The following SLC35F4 variants were observed in gnomAD, a reference collection of about 807,000 sequenced individuals.
SLC35F4 encodes the protein solute carrier family 35 member F4.
SLC35F4 carries 24 observed loss-of-function variants against 44.2 expected under a neutral mutation model. The observed-to-expected ratio is 0.54, with a 90% CI of 0.39 to 0.76. The LOEUF (loss-of-function observed/expected upper bound fraction) is 0.76, where lower values mean the gene tolerates loss of function less well. Among genes scored for constraint, SLC35F4 ranks in the 30% least tolerant of loss-of-function variants. SLC35F4 has a pLI of 0.00. For missense variants in SLC35F4, 562 were observed against 586.1 expected (o/e 0.96, Z 0.42); for synonymous variants, 238 against 223.6 (o/e 1.06, Z -0.57).
chr14:57,860,113 T>C (rs1165043147), intron 1 of SLC35F4, among the ~76,000 whole-genome samples: 2 of 152,146 alleles, frequency 1.3e-5, no homozygotes, highest in East Asian at 1.9e-4. Flanking sequence ...AGCTAGAACT[T>C]TGGGGAATGC....
intron 1 of SLC35F4, among the ~76,000 whole-genome samples, chr14:57,807,374 C>CACAGAGCCA (rs1881450548): frequency 6.6e-6 from 1 of 151,902 alleles, no homozygotes. Flanking sequence ...GTTAGCAACC[C>CACAGAGCCA]ACAGAGCCAA....
intron 1 of SLC35F4, among the ~76,000 whole-genome samples, chr14:57,965,843 C>T (rs1377467764): frequency 6.6e-6 from 1 of 152,154 alleles, no homozygotes; most frequent in Non-Finnish European, 1.5e-5. Context: ...TGTTTAACCA[C>T]GAAGGCTTTT....
rs77998565 is a variant in SLC35F4, at chr14:57,749,513, C to T, written c.103+116210G>A. Among the ~76,000 whole-genome samples the T allele has an allele frequency of 5.6e-3, 845 of 151,316 alleles. 9 individuals are homozygous for T. Among genetic ancestry groups the T allele is most frequent in the African/African-American group, 0.019 (796 of 41,352 alleles). ...AGCAGTACCATGCATGGGTCTGTGA[C>T]GGGTTTAAAAAAAAAACAAATGGGT... On this transcript the variant is annotated intron_variant, in intron 1 of 7. Coordinates refer to ENST00000556826, the MANE Select transcript of SLC35F4 (RefSeq NM_001306087.2).
intron 1 of SLC35F4, among the ~76,000 whole-genome samples, chr14:57,969,768 T>A (rs1439461464): frequency 2.0e-5 from 3 of 152,212 alleles, no homozygotes; most frequent in Non-Finnish European, 1.5e-5. Flanking sequence ...TACAATAAAC[T>A]TCATGTGACA....
At chr14:57,635,513 T>G (rs1397139943) in intron 1 of SLC35F4, among the ~76,000 whole-genome samples, 1 of 151,956 alleles carries the variant, frequency 6.6e-6, no homozygotes, top group Non-Finnish European at 1.5e-5. Context: ...ATGGGAATAG[T>G]CAGCTGAGAG....
chr14:57,671,883 G>A (rs2074534788), intron 1 of SLC35F4, among the ~76,000 whole-genome samples: 1 of 151,996 alleles, frequency 6.6e-6, no homozygotes, highest in South Asian at 2.1e-4. Context: ...CATGAAATCA[G>A]GCTAAGTGTG....
intron 1 of SLC35F4, among the ~76,000 whole-genome samples, chr14:57,905,126 G>A (rs543747044): frequency 2.4e-4 from 37 of 152,310 alleles, no homozygotes; most frequent in Middle Eastern, 6.8e-3. Flanking sequence ...TCCACTGGAA[G>A]TTTACCAATC....
At chr14:57,906,903 T>C (rs1889112617) in intron 1 of SLC35F4, among the ~76,000 whole-genome samples, 1 of 152,218 alleles carries the variant, frequency 6.6e-6, no homozygotes, top group South Asian at 2.1e-4. Flanking sequence ...CATTAAATGC[T>C]TCCCGGATAC....
At chr14:57,581,100 A>T (rs2139810231) in intron 4 of SLC35F4, 114 bp downstream of exon 4, 1 of 1,143,644 alleles carries the variant, frequency 8.7e-7, no homozygotes, top group East Asian at 2.7e-5. Flanking sequence ...TTGTACTCAG[A>T]ACAAGTGAGA....
intron 1 of SLC35F4, among the ~76,000 whole-genome samples, chr14:57,790,135 T>A (rs2140798094): frequency 6.6e-6 from 1 of 152,286 alleles, no homozygotes; most frequent in Non-Finnish European, 1.5e-5. Flanking sequence ...TTATTGGAAG[T>A]TCTGGCCAGG....
chr14:57,717,661 A>G (rs2075978758), intron 1 of SLC35F4, among the ~76,000 whole-genome samples: 1 of 152,182 alleles, frequency 6.6e-6, no homozygotes. Flanking sequence ...CCTTCACATC[A>G]TTGACAGAAT....
chr14:57,573,595 A>G (rs572414015), intron 4 of SLC35F4, among the ~76,000 whole-genome samples: 1 of 152,164 alleles, frequency 6.6e-6, no homozygotes, highest in East Asian at 1.9e-4. Context: ...AAAGGTCTAG[A>G]CTCATCAATA....
At chr14:57,711,181 G>A (rs763589921) in intron 1 of SLC35F4, among the ~76,000 whole-genome samples, 16 of 152,126 alleles carry the variant, frequency 1.1e-4, no homozygotes, top group Non-Finnish European at 1.5e-4. Flanking sequence ...CTCATGAGAT[G>A]TGATGGTTTT....
At chr14:57,843,766 A>C (rs1885725557) in intron 1 of SLC35F4, among the ~76,000 whole-genome samples, 4 of 152,170 alleles carry the variant, frequency 2.6e-5, no homozygotes, top group Non-Finnish European at 5.9e-5. Context: ...TCAGATTTTC[A>C]AAGTAATATG....
chr14:57,896,903 C>T (rs889501477), intron 1 of SLC35F4, among the ~76,000 whole-genome samples: 7 of 151,132 alleles, frequency 4.6e-5, no homozygotes, highest in African/African-American at 1.5e-4. Flanking sequence ...TTAATAGTAG[C>T]TTTAATTGTT....
At chr14:57,750,742 T>C (rs1566821743) in intron 1 of SLC35F4, among the ~76,000 whole-genome samples, 1 of 152,094 alleles carries the variant, frequency 6.6e-6, no homozygotes, top group Admixed American at 6.6e-5. Flanking sequence ...TTTGTTGTTG[T>C]TGTTGTTGTT....
At chr14:57,862,082 C>T (rs1185154844) in intron 1 of SLC35F4, among the ~76,000 whole-genome samples, 1 of 152,132 alleles carries the variant, frequency 6.6e-6, no homozygotes, top group African/African-American at 2.4e-5. Flanking sequence ...CCCCCCACCC[C>T]TTTCCAAAGT....
At chr14:57,963,658 G>C (rs1008609024) in intron 1 of SLC35F4, among the ~76,000 whole-genome samples, 3 of 149,806 alleles carry the variant, frequency 2.0e-5, no homozygotes, top group African/African-American at 7.4e-5. Context: ...AGACGACCCA[G>C]GACTCATCTT....
intron 1 of SLC35F4, among the ~76,000 whole-genome samples, chr14:57,670,449 G>A (rs55764914): frequency 0.026 from 3,912 of 151,842 alleles, 185 homozygotes; most frequent in African/African-American, 0.088. Context: ...GATCTTTCCT[G>A]CTTTCTCTTG....
Sources: gnomAD v4.1 joint callset for allele counts (sites outside exome capture counted in the v4.1 genomes callset) on GRCh38, gnomAD v4.1.1 for gene constraint, MANE v1.5 for transcripts, NCBI Gene and HGNC (gene_info 2026-07-23, HGNC 2026-07-21) for gene names.